GRIK2: variants seen among roughly 807,000 people sequenced by gnomAD.
GRIK2 encodes the protein glutamate receptor ionotropic, kainate 2.
A neutral mutation model predicts 100.3 loss-of-function variants in GRIK2; 32 were observed. That is an observed-to-expected ratio of 0.32 (90% CI 0.24 to 0.43). The LOEUF (loss-of-function observed/expected upper bound fraction) is 0.43, where lower values mean the gene tolerates loss of function less well. Among genes scored for constraint, GRIK2 ranks in the 20% least tolerant of loss-of-function variants. The pLI is 1.00. For synonymous variants in GRIK2, 417 were observed against 389.4 expected (o/e 1.07, Z -0.83); for missense variants, 843 against 1,114.9 (o/e 0.76, Z 3.47).
intron 2 of GRIK2, 30 bp downstream of exon 2, chr6:101,399,422 G>A (rs2128235276): frequency 2.7e-6 from 3 of 1,118,730 alleles, no homozygotes; most frequent in East Asian, 2.3e-5. Flanking sequence ...TTGGTTGCCT[G>A]GTATCCGCTC....
intron 2 of GRIK2, among the ~76,000 whole-genome samples, chr6:101,456,132 T>TA (rs1181183306): frequency 6.9e-4 from 102 of 148,170 alleles, no homozygotes; most frequent in East Asian, 3.0e-3. Context: ...TTTTTTTTTT[T>TA]AAAAAAAGAG....
At chr6:101,673,037 A>G (rs1770557455) in intron 4 of GRIK2, among the ~76,000 whole-genome samples, 1 of 152,210 alleles carries the variant, frequency 6.6e-6, no homozygotes, top group African/African-American at 2.4e-5. Context: ...CCTTTTCTCC[A>G]CAACTTCACC....
chr6:101,935,141 T>C (rs1175169292), intron 14 of GRIK2, among the ~76,000 whole-genome samples: 2 of 151,932 alleles, frequency 1.3e-5, no homozygotes, highest in Non-Finnish European at 1.5e-5. Context: ...ACGCGGATTC[T>C]AATAATTTTC....
intron 14 of GRIK2, among the ~76,000 whole-genome samples, chr6:102,016,928 T>G (rs1769142697): frequency 6.6e-6 from 1 of 152,114 alleles, no homozygotes; most frequent in Admixed American, 6.6e-5. Flanking sequence ...AGTGGACACC[T>G]CAGCAGAAAC....
At chr6:101,771,537 T>A (rs1002091833) in intron 7 of GRIK2, among the ~76,000 whole-genome samples, 4 of 151,508 alleles carry the variant, frequency 2.6e-5, no homozygotes, top group South Asian at 2.1e-4. Context: ...ATTATTATTT[T>A]TTATTATTAT....
intron 10 of GRIK2, among the ~76,000 whole-genome samples, chr6:101,842,126 G>A (rs565265671): frequency 3.3e-5 from 5 of 152,196 alleles, no homozygotes; most frequent in East Asian, 3.9e-4. Flanking sequence ...CGTTTTTAAC[G>A]ACCACAGGGT....
intron 7 of GRIK2, among the ~76,000 whole-genome samples, chr6:101,792,105 G>A (rs1325549882): frequency 6.6e-6 from 1 of 151,770 alleles, no homozygotes; most frequent in Non-Finnish European, 1.5e-5. Flanking sequence ...GTGTGTCTCT[G>A]CACGTGAGAT....
chr6:101,777,289 G>A (rs1403399159), intron 7 of GRIK2, among the ~76,000 whole-genome samples: 2 of 152,144 alleles, frequency 1.3e-5, no homozygotes, highest in African/African-American at 2.4e-5. Context: ...GCTCAGTGCA[G>A]TGTGCCAGCT....
At chr6:101,735,182 T>C (rs1775551693) in intron 7 of GRIK2, among the ~76,000 whole-genome samples, 1 of 152,116 alleles carries the variant, frequency 6.6e-6, no homozygotes, top group African/African-American at 2.4e-5. Flanking sequence ...GACTTACATG[T>C]TGTAACAGGC....
intron 12 of GRIK2, among the ~76,000 whole-genome samples, chr6:101,916,592 G>A (rs924032960): frequency 6.6e-6 from 1 of 151,470 alleles, no homozygotes; most frequent in Non-Finnish European, 1.5e-5. Flanking sequence ...TGACTGGAAT[G>A]GATTGCAATA....
At chr6:101,679,509 A>G (rs1287221641) in intron 5 of GRIK2, among the ~76,000 whole-genome samples, 1 of 152,184 alleles carries the variant, frequency 6.6e-6, no homozygotes, top group East Asian at 1.9e-4. Context: ...GTGCATAAAA[A>G]CATACTGATT....
chr6:101,616,289 T>G (rs1225056579), intron 2 of GRIK2, among the ~76,000 whole-genome samples: 1 of 151,900 alleles, frequency 6.6e-6, no homozygotes, highest in Non-Finnish European at 1.5e-5. Context: ...TTTTGAAGAA[T>G]ATTCATTTTT....
intron 10 of GRIK2, among the ~76,000 whole-genome samples, chr6:101,843,135 GA>G (rs1273023789): frequency 4.0e-5 from 6 of 151,768 alleles, no homozygotes; most frequent in Non-Finnish European, 7.4e-5. Context: ...GAATATTGAA[GA>G]AAAAAAATTC....
At chr6:101,702,335 C>T (rs1009839253) in intron 7 of GRIK2, among the ~76,000 whole-genome samples, 1 of 151,892 alleles carries the variant, frequency 6.6e-6, no homozygotes, top group African/African-American at 2.4e-5. Context: ...TGAAAAAGGT[C>T]TTGGCTCTAC....
At chr6:101,946,810 G>T (rs1375561032) in intron 14 of GRIK2, among the ~76,000 whole-genome samples, 1 of 152,030 alleles carries the variant, frequency 6.6e-6, no homozygotes, top group Non-Finnish European at 1.5e-5. Flanking sequence ...ATTTATTTTT[G>T]CTAGTTGGTC....
At chr6:101,989,923 G>T (rs1333744105) in intron 14 of GRIK2, among the ~76,000 whole-genome samples, 1 of 151,376 alleles carries the variant, frequency 6.6e-6, no homozygotes, top group Non-Finnish European at 1.5e-5. Flanking sequence ...TACTAAATAT[G>T]ACTACAGTGG....
intron 2 of GRIK2, among the ~76,000 whole-genome samples, chr6:101,411,325 C>G (rs1562118283): frequency 6.6e-6 from 1 of 152,088 alleles, no homozygotes; most frequent in Non-Finnish European, 1.5e-5. Flanking sequence ...ATAATTTGAT[C>G]TAATCAGTGG....
intron 12 of GRIK2, among the ~76,000 whole-genome samples, chr6:101,918,164 G>A (rs191775411): frequency 8.1e-5 from 11 of 135,612 alleles, no homozygotes; most frequent in Admixed American, 4.0e-4. Flanking sequence ...TTCATAACAC[G>A]TGAAAGTTGA....
At chr6:101,887,179 G>T (rs1265856066) in intron 11 of GRIK2, among the ~76,000 whole-genome samples, 1 of 152,032 alleles carries the variant, frequency 6.6e-6, no homozygotes, top group Admixed American at 6.6e-5. Flanking sequence ...TATAAGAAGA[G>T]AGTGGATGTA....
Sources: allele counts gnomAD v4.1 joint callset (sites outside exome capture counted in the v4.1 genomes callset), GRCh38; gene constraint gnomAD v4.1.1; transcripts MANE v1.5; gene names NCBI Gene and HGNC (gene_info 2026-07-23, HGNC 2026-07-21).